The following GLB1 variants were observed in gnomAD, a reference collection of about 807,000 sequenced individuals.
GLB1 encodes galactosidase beta 1.
Under a neutral mutation model 74.0 loss-of-function variants are expected in GLB1, and 56 were observed. The observed-to-expected ratio is 0.76, with a 90% CI of 0.61 to 0.94. The LOEUF (loss-of-function observed/expected upper bound fraction) is 0.94, where lower values mean the gene tolerates loss of function less well. Ranked by LOEUF, GLB1 falls within the 40% of genes least tolerant of loss-of-function variation. The probability of loss-of-function intolerance (pLI) is 0.00; values close to 1 mark genes in which losing one functional copy is unlikely to be tolerated. For synonymous variants in GLB1, 323 were observed against 323.6 expected (o/e 1.00, Z 0.02); for missense variants, 787 against 845.5 (o/e 0.93, Z 0.86).
At chr3:33,047,245 C>T (rs1357637481) in intron 9 of GLB1, among the ~76,000 whole-genome samples, 2 of 152,178 alleles carry the variant, frequency 1.3e-5, no homozygotes, top group African/African-American at 4.8e-5. Flanking sequence ...AACAAATGCC[C>T]CTGCAGTCAC....
At position 33,051,928 on chromosome 3, in the gene GLB1, G is replaced by C. The variant is rs1289093325; in HGVS notation, c.869C>G (p.Ala290Gly). The C allele has an allele frequency of 6.2e-7, 1 of 1,614,226 alleles. No individual in the cohort carries two copies. Among genetic ancestry groups the C allele is most frequent in the Admixed American group, 1.7e-5 (1 of 60,026 alleles). The change falls in exon 8 of 16, where the codon GCT (alanine) becomes GGT (glycine). Residue 290 changes from alanine (A) to glycine (G), a missense_variant. By Grantham distance (60) the Ala-to-Gly change is moderately conservative (BLOSUM62 0). Coordinates refer to ENST00000307363, the MANE Select transcript of GLB1 (RefSeq NM_000404.4). Reference protein sequence around the residue: ...PHSTIKTEAVASSLYDILARG... With the variant: ...PHSTIKTEAVGSSLYDILARG... Reference sequence around the variant, plus strand: ...GGCAAGTATATCATAGAGGGAGGAAGCCACTGCTTCGGTCTTGATTGTGGA... The same window carrying C: ...GGCAAGTATATCATAGAGGGAGGAACCCACTGCTTCGGTCTTGATTGTGGA...
intron 1 of GLB1, among the ~76,000 whole-genome samples, chr3:33,083,845 A>T (rs77644509): frequency 0.017 from 2,654 of 151,716 alleles, 62 homozygotes; most frequent in East Asian, 0.075. Context: ...CATCTTTTTT[A>T]AAAAAAATTA....
At position 33,074,408 on chromosome 3, in the gene GLB1, G is replaced by GAAAGAAAGAAAGAAAGA. The variant is rs143322194; in HGVS notation, c.76-1696_76-1695insTCTTTCTTTCTTTCTTT. ...AGGAAGGAAGAAAGAAAGAAAGAAAGAATATTACACATAGTAAAGTATTAC... is the reference window on the plus strand; with the variant it reads ...AGGAAGGAAGAAAGAAAGAAAGAAAGAAAGAAAGAAAGAAAGAAATATTACACATAGTAAAGTATTAC... On this transcript the variant is annotated intron_variant, in intron 1 of 15. Transcript: ENST00000307363. Among the ~76,000 whole-genome samples, 17 of 113,652 alleles carry GAAAGAAAGAAAGAAAGA rather than the reference G, an allele frequency of 1.5e-4. 1 individual carries two copies. Among genetic ancestry groups the GAAAGAAAGAAAGAAAGA allele is most frequent in the South Asian group, 3.3e-4 (1 of 2,996 alleles). 74.6% of individuals were successfully genotyped at this position (113,652 alleles called of 152,430 possible). A position where few individuals can be genotyped will look rare whatever the true frequency, so the allele number is the denominator to read the frequency against.
rs112340808 is a variant in GLB1 at position 33,051,335 on chromosome 3, G to T, written c.955+423C>A. Among the ~76,000 whole-genome samples the T allele has an allele frequency of 1.9e-3, 287 of 151,172 alleles. 1 individual carries two copies. Among genetic ancestry groups the T allele is most frequent in the African/African-American group, 6.7e-3 (275 of 41,262 alleles). On this transcript the variant is annotated intron_variant, in intron 9 of 15. Transcript: ENST00000307363. ...TTTAGGGCCAGGCATGGTGGCTCAC[G>T]CCTGTAATCCTAGCATTTTGGGAGG... is the stretch of plus-strand genomic sequence containing the variant.
intron 10 of GLB1, among the ~76,000 whole-genome samples, chr3:33,031,212 G>C (rs1697990285): frequency 6.6e-6 from 1 of 152,136 alleles, no homozygotes; most frequent in Admixed American, 6.5e-5. Flanking sequence ...CGCTTTTTGA[G>C]TCTTTGATGA....
At chr3:33,092,847 T>A in intron 1 of GLB1, 1 of 1,605,006 alleles carries the variant, frequency 6.2e-7, no homozygotes, top group Non-Finnish European at 8.5e-7. Context: ...GGGAGACCGC[T>A]GCAGGATGAG....
intron 1 of GLB1, chr3:33,092,638 C>G: frequency 7.3e-7 from 1 of 1,364,410 alleles, no homozygotes; most frequent in Non-Finnish European, 9.4e-7. Flanking sequence ...AGCAACTGGC[C>G]AAGGAAATAG....
At chr3:32,989,597 G>C in the GLB1 span, among the ~76,000 whole-genome samples, 1 of 152,126 alleles carries the variant, frequency 6.6e-6, no homozygotes, top group Non-Finnish European at 1.5e-5. Flanking sequence ...AAGACTCATG[G>C]GTCAATCACC....
At chr3:33,006,618 A>G (rs1227476097) in intron 15 of GLB1, among the ~76,000 whole-genome samples, 3 of 152,220 alleles carry the variant, frequency 2.0e-5, no homozygotes, top group Admixed American at 6.5e-5. Context: ...TGCTGGACAG[A>G]GCAGAACATG....
At chr3:33,091,717 G>T in intron 1 of GLB1, 1 of 985,356 alleles carries the variant, frequency 1.0e-6, no homozygotes, top group Non-Finnish European at 1.2e-6. Context: ...GCTGCCCTAT[G>T]AGTGAGCAGC....
At chr3:33,096,100 C>G (rs750558765) in intron 1 of GLB1, among the ~76,000 whole-genome samples, 1 of 152,200 alleles carries the variant, frequency 6.6e-6, no homozygotes, top group Non-Finnish European at 1.5e-5. Flanking sequence ...GTGTCAAATG[C>G]TACCAGCTCT....
At position 33,034,682 on chromosome 3, in the gene GLB1, G is replaced by A. The variant is rs1238887482; in HGVS notation, c.1069-10357C>T. 14 of 729,632 alleles carry A rather than the reference G, an allele frequency of 1.9e-5. No homozygotes were observed. The Admixed American group carries it at 2.5e-4, about 13-fold the overall frequency. 45.2% of individuals were successfully genotyped at this position (729,632 alleles called of 1,614,324 possible). On this transcript the variant is annotated intron_variant, in intron 10 of 15. Coordinates refer to ENST00000307363, the MANE Select transcript of GLB1 (RefSeq NM_000404.4). Reference sequence around the variant, plus strand: ...CACAGCCAACATATTGGCCATCTCTGGTGGAGACAATAAGGTGACCCTGAG... The same window carrying A: ...CACAGCCAACATATTGGCCATCTCTAGTGGAGACAATAAGGTGACCCTGAG...
At chr3:32,962,987 A>G in the GLB1 span, among the ~76,000 whole-genome samples, 2 of 152,118 alleles carry the variant, frequency 1.3e-5, no homozygotes, top group African/African-American at 4.8e-5. Flanking sequence ...AATAGCCAGG[A>G]CCACTCTGAA....
chr3:33,031,505 G>A (rs1040865186), intron 10 of GLB1, among the ~76,000 whole-genome samples: 1 of 148,114 alleles, frequency 6.8e-6, no homozygotes, highest in African/African-American at 2.5e-5. Flanking sequence ...TTAGCCACGT[G>A]CATTGGTGTG....
chr3:32,985,473 G>C, the GLB1 span, among the ~76,000 whole-genome samples: 2 of 151,666 alleles, frequency 1.3e-5, no homozygotes, highest in Non-Finnish European at 2.9e-5. Context: ...TGGACTTTTA[G>C]TAGAGACAGG....
rs765750730 is a variant in GLB1, at chr3:33,093,861, T to G, written c.75+3150A>C. On this transcript the variant is annotated intron_variant, in intron 1 of 15. Coordinates refer to ENST00000307363, the MANE Select transcript of GLB1 (RefSeq NM_000404.4). The surrounding 1 kb of genome is among the most constrained non-coding windows in gnomAD (Gnocchi z 6.0). ...GGAGTAGGCCGCCAAGGAAAAGAGA[T>G]AGGGCTCTTCGGCCACTAAAAAGAA... 3 of 1,613,716 alleles carry G rather than the reference T, an allele frequency of 1.9e-6. No individual in the cohort carries two copies. Among genetic ancestry groups the G allele is most frequent in the Non-Finnish European group, 2.5e-6 (3 of 1,179,854 alleles).
the GLB1 span, among the ~76,000 whole-genome samples, chr3:32,989,453 A>C: frequency 3.4e-4 from 51 of 152,214 alleles, no homozygotes; most frequent in African/African-American, 1.2e-3. Context: ...GAGATATGAT[A>C]GTGGGTTTTG....
At chr3:33,077,370 GAC>G in intron 1 of GLB1, 1 of 1,340,040 alleles carries the variant, frequency 7.5e-7, no homozygotes, top group Admixed American at 1.7e-5. Context: ...TGGTCAATGA[GAC>G]AGATCAGATT....
intron 1 of GLB1, among the ~76,000 whole-genome samples, chr3:33,075,625 G>A (rs1432513086): frequency 6.6e-6 from 1 of 152,162 alleles, no homozygotes. Context: ...GTAAAGTAAG[G>A]GTTAGAGCAG....
Sources: gnomAD v4.1 joint callset for allele counts (sites outside exome capture counted in the v4.1 genomes callset) on GRCh38, gnomAD v4.1.1 for gene constraint, Gnocchi (gnomAD v3.1) non-coding constraint, MANE v1.5 for transcripts, NCBI Gene and HGNC (gene_info 2026-07-23, HGNC 2026-07-21) for gene names.